The following FBXO34 variants were observed in gnomAD, a reference collection of about 807,000 sequenced individuals.
FBXO34 encodes the protein F-box protein 34.
Under a neutral mutation model 24.5 loss-of-function variants are expected in FBXO34, and 12 were observed. The ratio of observed to expected loss-of-function variants is 0.49; its 90% CI spans 0.31 to 0.79. The LOEUF (loss-of-function observed/expected upper bound fraction) is 0.79, where lower values mean the gene tolerates loss of function less well. FBXO34 is among the 30% of genes least tolerant of loss of function. The pLI is 0.04. For missense variants in FBXO34, 823 were observed against 857.7 expected, an observed-to-expected ratio of 0.96 and a Z score of 0.51; for synonymous variants, 320 against 311.9, an observed-to-expected ratio of 1.03 and a Z score of -0.27.
chr14:55,343,201 A>G (rs1207365218), intron 1 of FBXO34, among the ~76,000 whole-genome samples: 1 of 151,208 alleles, frequency 6.6e-6, no homozygotes, highest in Non-Finnish European at 1.5e-5. Context: ...TTATATAATG[A>G]GAAGGGGCCT....
intron 1 of FBXO34, among the ~76,000 whole-genome samples, chr14:55,330,008 A>G (rs1490238826): frequency 6.6e-6 from 1 of 151,890 alleles, no homozygotes; most frequent in Non-Finnish European, 1.5e-5. Flanking sequence ...GAGGGCATTT[A>G]TCTGTAGTTT....
chr14:55,429,925 C>T, the FBXO34 span, among the ~76,000 whole-genome samples: 1 of 152,092 alleles, frequency 6.6e-6, no homozygotes, highest in Admixed American at 6.5e-5. Flanking sequence ...TCCAAAACAA[C>T]CACATGAAAA....
In FBXO34 at chr14:55,298,583, C is replaced by T. The variant is rs556341617; in HGVS notation, c.-11+27046C>T. The T allele has an allele frequency of 2.9e-3, 2,268 of 793,880 alleles. 5 individuals are homozygous for T. The highest frequency in any genetic ancestry group is 3.7e-3 in the Non-Finnish European group (1,818 of 497,072). 49.2% of individuals were successfully genotyped at this position (793,880 alleles called of 1,614,324 possible). ...AAAAGCAAATTTGGCAGGGTGGAGG[C>T]GGAGGAGGGCGGGCGCCGGAGCCCA... On this transcript the variant is annotated intron_variant, in intron 1 of 1. Transcript: ENST00000313833.
At chr14:55,411,797 G>A in the FBXO34 span, 3 of 1,599,092 alleles carry the variant, frequency 1.9e-6, no homozygotes, top group Non-Finnish European at 2.6e-6. Flanking sequence ...CAGCGCCCGG[G>A]CTCCCTTCCC....
At chr14:55,430,453 C>CTGGA in the FBXO34 span, among the ~76,000 whole-genome samples, 3 of 149,632 alleles carry the variant, frequency 2.0e-5, no homozygotes. Context: ...GTTACCCAGG[C>CTGGA]TGGAGTGCAG....
the FBXO34 span, among the ~76,000 whole-genome samples, chr14:55,407,508 G>A: frequency 1.3e-5 from 2 of 152,140 alleles, no homozygotes; most frequent in African/African-American, 4.8e-5. Context: ...CAAGTGATCC[G>A]CCTGCCTCGG....
At chr14:55,279,806 G>A (rs562963546) in intron 1 of FBXO34, among the ~76,000 whole-genome samples, 1 of 152,308 alleles carries the variant, frequency 6.6e-6, no homozygotes, top group East Asian at 1.9e-4. Flanking sequence ...AGAGGAAGTG[G>A]ATTTCCAAGG....
chr14:55,301,181 A>G (rs1431456929), intron 1 of FBXO34, among the ~76,000 whole-genome samples: 1 of 152,190 alleles, frequency 6.6e-6, no homozygotes, highest in Non-Finnish European at 1.5e-5. Flanking sequence ...TCATGCCTGT[A>G]ATCACAGCAC....
the FBXO34 span, among the ~76,000 whole-genome samples, chr14:55,380,875 A>ATATATTTTTTTTTTTT: frequency 1.8e-5 from 2 of 112,704 alleles, no homozygotes; most frequent in South Asian, 2.9e-4. Flanking sequence ...ATATATATAT[A>ATATATTTTTTTTTTTT]TTTTTTTTTT....
chr14:55,275,730 A>C (rs1196810071), intron 1 of FBXO34, among the ~76,000 whole-genome samples: 1 of 149,368 alleles, frequency 6.7e-6, no homozygotes, highest in South Asian at 2.2e-4. Context: ...AGGCTGAGGC[A>C]GGAGAATGGT....
the FBXO34 span, among the ~76,000 whole-genome samples, chr14:55,394,333 C>T: frequency 1.3e-5 from 2 of 152,120 alleles, no homozygotes; most frequent in Non-Finnish European, 2.9e-5. Flanking sequence ...TGAGATTTCA[C>T]TGGTTGTGTT....
the FBXO34 span, chr14:55,424,251 T>C: frequency 1.2e-6 from 2 of 1,605,036 alleles, no homozygotes; most frequent in Non-Finnish European, 1.7e-6. Flanking sequence ...TTCAGGCTCG[T>C]AACTGTTAAG....
intron 1 of FBXO34, among the ~76,000 whole-genome samples, chr14:55,322,034 A>G (rs911391602): frequency 1.3e-5 from 2 of 152,174 alleles, no homozygotes; most frequent in African/African-American, 4.8e-5. Context: ...TATATAAGAC[A>G]TCTTTCAGCT....
the FBXO34 span, among the ~76,000 whole-genome samples, chr14:55,378,985 G>C: frequency 6.6e-6 from 1 of 152,076 alleles, no homozygotes; most frequent in African/African-American, 2.4e-5. Context: ...TGGGATTACA[G>C]GCAGGCATGA....
intron 1 of FBXO34, among the ~76,000 whole-genome samples, chr14:55,331,147 T>G (rs1360397389): frequency 6.6e-6 from 1 of 152,202 alleles, no homozygotes; most frequent in African/African-American, 2.4e-5. Context: ...AGATTGGGCT[T>G]CTATTATAAT....
intron 1 of FBXO34, among the ~76,000 whole-genome samples, chr14:55,338,349 A>T (rs1407865764): frequency 6.6e-6 from 1 of 151,688 alleles, no homozygotes; most frequent in Non-Finnish European, 1.5e-5. Context: ...GCGGCCAGCG[A>T]GTATGGACTT....
At chr14:55,347,163 A>T (rs1053819592) in intron 1 of FBXO34, among the ~76,000 whole-genome samples, 3 of 152,198 alleles carry the variant, frequency 2.0e-5, no homozygotes, top group African/African-American at 7.2e-5. Context: ...GGACTTTATT[A>T]TAGCAACAGT....
At chr14:55,415,586 G>A in the FBXO34 span, among the ~76,000 whole-genome samples, 5 of 152,094 alleles carry the variant, frequency 3.3e-5, no homozygotes, top group African/African-American at 9.7e-5. Flanking sequence ...TAGTGTAGGC[G>A]GGGCGTGGTG....
At chr14:55,369,513 C>T (rs1884762117), downstream of FBXO34, 2 of 1,125,120 alleles carry the variant, frequency 1.8e-6, no homozygotes, top group African/African-American at 1.5e-5. Flanking sequence ...ACACTTTAAC[C>T]TCTTTGTTCC....
Sources: gnomAD v4.1 joint callset for allele counts (sites outside exome capture counted in the v4.1 genomes callset) on GRCh38, gnomAD v4.1.1 for gene constraint, MANE v1.5 for transcripts, NCBI Gene and HGNC (gene_info 2026-07-23, HGNC 2026-07-21) for gene names.